Variants in CDH23 observed in about 807,000 individuals in gnomAD.
CDH23 encodes cadherin-23.
Under a neutral mutation model 317.1 loss-of-function variants are expected in CDH23, and 189 were observed. That is an observed-to-expected ratio of 0.60 (90% CI 0.53 to 0.67). CDH23 has a LOEUF of 0.67. Ranked by LOEUF, CDH23 falls within the 30% of genes least tolerant of loss-of-function variation. The probability of loss-of-function intolerance (pLI) is 0.00; values close to 1 mark genes in which losing one functional copy is unlikely to be tolerated. For synonymous variants in CDH23, 1,839 were observed against 1,876.8 expected, an observed-to-expected ratio of 0.98 and a Z score of 0.52; for missense variants, 4,401 against 4,592.4, an observed-to-expected ratio of 0.96 and a Z score of 1.20.
chr10:71,420,219 A>G (rs1287900454), intron 1 of CDH23, among the ~76,000 whole-genome samples: 1 of 151,258 alleles, frequency 6.6e-6, no homozygotes, highest in Non-Finnish European at 1.5e-5. Flanking sequence ...TTTCACTTTT[A>G]TTTTTGGGCA....
rs144566266 is a variant in CDH23 at position 71,443,644 on chromosome 10, G to T, written c.68-2674G>T. On this transcript the variant is annotated intron_variant, in intron 2 of 69. Transcript: ENST00000224721. Reference sequence around the variant, plus strand: ...GCTCACAAGCCACAGACCCACAATGGGGTGGGCCACGTGGGGCTTGGGACA... The same window carrying T: ...GCTCACAAGCCACAGACCCACAATGTGGTGGGCCACGTGGGGCTTGGGACA... Among the ~76,000 whole-genome samples, 744 of 152,364 alleles carry T rather than the reference G, an allele frequency of 4.9e-3. 6 individuals carry two copies. Among genetic ancestry groups the T allele is most frequent in the African/African-American group, 0.017 (707 of 41,582 alleles).
chr10:71,464,942 C>T (rs1851172424), intron 3 of CDH23, among the ~76,000 whole-genome samples: 1 of 152,166 alleles, frequency 6.6e-6, no homozygotes, highest in South Asian at 2.1e-4. Context: ...CAATTAGGTG[C>T]CAGGACTATG....
At chr10:71,565,775 A>T (rs1055084877) in intron 6 of CDH23, among the ~76,000 whole-genome samples, 5 of 152,140 alleles carry the variant, frequency 3.3e-5, no homozygotes, top group African/African-American at 1.2e-4. Context: ...CAGTGAAGGG[A>T]TTAAGGATCA....
intron 34 of CDH23, chr10:71,737,691 AC>A (rs1564767428): frequency 4.3e-6 from 2 of 469,496 alleles, no homozygotes; most frequent in South Asian, 1.6e-5. Flanking sequence ...AGCTCCTCCA[AC>A]CCCCCTCACA....
intron 9 of CDH23, among the ~76,000 whole-genome samples, chr10:71,607,880 G>T (rs1255941985): frequency 6.6e-6 from 1 of 152,212 alleles, no homozygotes; most frequent in African/African-American, 2.4e-5. Context: ...TCCAGCCTGG[G>T]TGATAGAACA....
chr10:71,781,713 G>C (rs1185714544), intron 41 of CDH23, among the ~76,000 whole-genome samples: 2 of 152,228 alleles, frequency 1.3e-5, no homozygotes, highest in African/African-American at 2.4e-5. Context: ...TCTCAAAGGA[G>C]TGAGAGACGC....
chr10:71,803,512 GAAACT>G, intron 55 of CDH23, 92 bp downstream of exon 55: 3 of 1,194,720 alleles, frequency 2.5e-6, no homozygotes, highest in Non-Finnish European at 3.5e-6. Flanking sequence ...TAAAGGTGGG[GAAACT>G]TGGCTTCAGG....
At position 71,739,550 on chromosome 10, in the gene CDH23, C is replaced by T. The variant is rs139618281; in HGVS notation, c.4360-94C>T. On this transcript the variant is annotated intron_variant, in intron 35 of 69. Coordinates refer to ENST00000224721, the MANE Select transcript of CDH23 (RefSeq NM_022124.6). ...AAGCCCTTGCTCAACAGAGGGCCCA[C>T]GTGGGCAGAGGAGGACCAGGGAGTC... is the stretch of plus-strand genomic sequence containing the variant. 9.4e-4 allele frequency: 1,392 copies of T among 1,477,020 alleles called. 7 individuals are homozygous for T. The African/African-American group carries it at 0.016, about 17-fold the overall frequency. The allele number at this position is 1,477,020 out of a possible 1,614,324, so 91.5% of individuals were successfully genotyped here. A position where few individuals can be genotyped will look rare whatever the true frequency, so the allele number is the denominator to read the frequency against.
chr10:71,555,918 T>A (rs1015914102), intron 6 of CDH23, among the ~76,000 whole-genome samples: 1 of 152,154 alleles, frequency 6.6e-6, no homozygotes, highest in African/African-American at 2.4e-5. Flanking sequence ...GACCCAGGCA[T>A]GTGTGCTAGA....
intron 3 of CDH23, among the ~76,000 whole-genome samples, chr10:71,494,274 AT>A (rs1169061598): frequency 1.3e-5 from 2 of 152,156 alleles, no homozygotes; most frequent in Admixed American, 1.3e-4. Context: ...ATTTTGTGCC[AT>A]GGCTTTTACC....
At chr10:71,403,396 T>TCTTCC in intron 1 of CDH23, among the ~76,000 whole-genome samples, 1 of 97,416 alleles carries the variant, frequency 1.0e-5, no homozygotes, top group East Asian at 2.9e-4. Context: ...TCTTTCTTTC[T>TCTTCC]TTCTTTCTTT....
intron 8 of CDH23, among the ~76,000 whole-genome samples, chr10:71,575,227 C>G (rs565941861): frequency 1.6e-3 from 248 of 152,228 alleles, no homozygotes; most frequent in Middle Eastern, 3.4e-3. Flanking sequence ...TTGGAAAAAT[C>G]CACGTGGATG....
chr10:71,796,731 G>A (rs750428240), intron 48 of CDH23: 11 of 200,306 alleles, frequency 5.5e-5, no homozygotes, highest in African/African-American at 9.3e-5. Flanking sequence ...TGTGTGCCAC[G>A]CACTGTTCTA....
intron 18 of CDH23, among the ~76,000 whole-genome samples, chr10:71,685,503 C>T (rs1332710122): frequency 6.6e-6 from 1 of 152,204 alleles, no homozygotes; most frequent in Admixed American, 6.5e-5. Flanking sequence ...TGACCAGCAG[C>T]CTCCCTCCCT....
At chr10:71,733,275 G>A (rs1264705434) in intron 32 of CDH23, among the ~76,000 whole-genome samples, 3 of 152,164 alleles carry the variant, frequency 2.0e-5, no homozygotes, top group East Asian at 1.9e-4. Context: ...TGCCCTCCTC[G>A]GACATGCCAC....
chr10:71,591,218 C>T (rs1377035831), intron 9 of CDH23, among the ~76,000 whole-genome samples: 2 of 152,162 alleles, frequency 1.3e-5, no homozygotes, highest in Non-Finnish European at 2.9e-5. Flanking sequence ...ACAGCTTCAC[C>T]CGAATGCTGG....
In CDH23 at chr10:71,701,917, T is replaced by C. The variant is rs144233786; in HGVS notation, c.2398-105T>C. 13 of 1,201,302 alleles carry C rather than the reference T, an allele frequency of 1.1e-5. No homozygotes were observed. In the African/African-American group the frequency reaches 1.8e-4, roughly 17 times the overall value. The allele number at this position is 1,201,302 out of a possible 1,614,324, so 74.4% of individuals were successfully genotyped here. A position where few individuals can be genotyped will look rare whatever the true frequency, so the allele number is the denominator to read the frequency against. On this transcript the variant is annotated intron_variant, in intron 22 of 69. Transcript: ENST00000224721. The stretch of plus-strand genomic sequence containing the variant: ...CCCACTTCCTGGGCCAGAGCCAGGA[T>C]GTCCCCTCCCCAGGACCAACGTCTG...
intron 38 of CDH23, among the ~76,000 whole-genome samples, chr10:71,759,242 T>C (rs1840231393): frequency 6.6e-6 from 1 of 152,010 alleles, no homozygotes; most frequent in African/African-American, 2.4e-5. Flanking sequence ...TTCACCCTGT[T>C]GGCCAGGCTG....
chr10:71,799,239 A>G lies in CDH23; in HGVS notation c.7183A>G (p.Ile2395Val). ...CCCTGTCTACCTGGAAATCGTGGAC[A>G]TCAATGACAACAACCCCATCTTTGA... is the stretch of plus-strand genomic sequence containing the variant. ...EIPVYLEIVD[I>V]NDNNPIFDQP... is the part of the protein sequence containing the mutation. Residue 2395 changes from isoleucine to valine, a missense_variant, in exon 51 of 70, where the codon ATC (isoleucine) becomes GTC (valine). By Grantham distance (29) the Ile-to-Val change is conservative (BLOSUM62 3). Around this residue, in one of 3 missense-constraint regions of CDH23, gnomAD observed 189 missense variants for 250.9 expected, o/e 0.75. Coordinates refer to ENST00000224721, the MANE Select transcript of CDH23 (RefSeq NM_022124.6). 6.2e-7 allele frequency: 1 copy of G among 1,614,064 alleles called. No individual in the cohort carries two copies. Among genetic ancestry groups the G allele is most frequent in the Non-Finnish European group, 8.5e-7 (1 of 1,179,896 alleles).
Sources: allele counts gnomAD v4.1 joint callset (sites outside exome capture counted in the v4.1 genomes callset), GRCh38; gene constraint gnomAD v4.1.1; regional missense constraint gnomAD v4.1.1; transcripts MANE v1.5; gene names NCBI Gene and HGNC (gene_info 2026-07-23, HGNC 2026-07-21).